The following TM9SF4 variants were observed in gnomAD, a reference collection of about 807,000 sequenced individuals.
TM9SF4 encodes the protein dinucleotide oxidase disulfide thiol exchanger 3 superfamily member 4.
Under a neutral mutation model 90.4 loss-of-function variants are expected in TM9SF4, and 26 were observed. The observed-to-expected ratio is 0.29, with a 90% CI of 0.21 to 0.40. The LOEUF (loss-of-function observed/expected upper bound fraction) is 0.40, where lower values mean the gene tolerates loss of function less well. Among genes scored for constraint, TM9SF4 ranks in the 10% least tolerant of loss-of-function variants. The pLI is 1.00. For synonymous variants in TM9SF4, 293 were observed against 315.4 expected, an observed-to-expected ratio of 0.93 and a Z score of 0.75; for missense variants, 549 against 834.8, an observed-to-expected ratio of 0.66 and a Z score of 4.22.
chr20:32,125,066 G>A (rs2046399572), intron 1 of TM9SF4, among the ~76,000 whole-genome samples: 1 of 152,060 alleles, frequency 6.6e-6, no homozygotes, highest in African/African-American at 2.4e-5. Flanking sequence ...GTTCATCAGG[G>A]CAGAGACCTC....
In TM9SF4 at chr20:32,161,343, C is replaced by T. The variant is rs764836180; in HGVS notation, c.1757C>T (p.Ala586Val). 2 of 1,613,902 alleles carry T rather than the reference C, an allele frequency of 1.2e-6. No individual in the cohort carries two copies. The highest frequency in any genetic ancestry group is 1.7e-6 in the Non-Finnish European group (2 of 1,179,936). The change falls in exon 17 of 18, where the codon GCC becomes GTC. Residue 586 changes from alanine to valine, a missense_variant. Physicochemically the swap from Ala to Val is moderately conservative, Grantham distance 64. Coordinates refer to ENST00000398022, the MANE Select transcript of TM9SF4 (RefSeq NM_014742.4). ...TCTGCATTCTACGTCCTGGTTTATGCCATCTTTTATTTCGTTAACAAGGTA... is the reference window on the plus strand; with the variant it reads ...TCTGCATTCTACGTCCTGGTTTATGTCATCTTTTATTTCGTTAACAAGGTA... ...GGSAFYVLVY[A>V]IFYFVNKLDI...
chr20:32,110,049 AT>A lies in TM9SF4; in HGVS notation c.15+298del. ...TTGGTCTCCGCCCACTGTGAGCCCC[AT>A]TTTCCATTTCTCACCTCCCTGTCCT... On this transcript the variant is annotated intron_variant, in intron 1 of 17. Transcript: ENST00000398022. 8 of 1,353,326 alleles carry A rather than the reference AT, an allele frequency of 5.9e-6. No individual in the cohort carries two copies. In the South Asian group the frequency reaches 9.7e-5, roughly 16 times the overall value. 83.8% of individuals were successfully genotyped at this position (1,353,326 alleles called of 1,614,324 possible).
chr20:32,121,076 T>C (rs889757759), intron 1 of TM9SF4, among the ~76,000 whole-genome samples: 2 of 152,190 alleles, frequency 1.3e-5, no homozygotes, highest in African/African-American at 2.4e-5. Flanking sequence ...AGGATAGTTG[T>C]CCGTAGTTTC....
At chr20:32,125,117 G>A (rs1333612160) in intron 1 of TM9SF4, among the ~76,000 whole-genome samples, 1 of 152,066 alleles carries the variant, frequency 6.6e-6, no homozygotes, top group Non-Finnish European at 1.5e-5. Context: ...TCACGGTGAC[G>A]GTTGCATAGC....
At chr20:32,163,442 C>G (rs1181402174) in intron 17 of TM9SF4, among the ~76,000 whole-genome samples, 2 of 151,076 alleles carry the variant, frequency 1.3e-5, no homozygotes, top group Admixed American at 1.3e-4. Context: ...TCTACTCTTT[C>G]CAGCTTTGCA....
intron 1 of TM9SF4, among the ~76,000 whole-genome samples, chr20:32,122,421 C>T (rs377699518): frequency 4.7e-5 from 7 of 149,728 alleles, no homozygotes; most frequent in African/African-American, 1.5e-4. Context: ...GGGGTGCTGC[C>T]GGGCGGAGAG....
chr20:32,159,349 G>C (rs2046979163), intron 15 of TM9SF4: 1 of 152,552 alleles, frequency 6.6e-6, no homozygotes, highest in African/African-American at 2.4e-5. Flanking sequence ...AAGTGTGGCT[G>C]ACCCAGCTCG....
intron 1 of TM9SF4, among the ~76,000 whole-genome samples, chr20:32,116,911 C>T (rs148169326): frequency 9.1e-6 from 1 of 109,368 alleles, no homozygotes; most frequent in Non-Finnish European, 1.7e-5. Context: ...GGAGCAGTTA[C>T]TGACATGGTC....
At chr20:32,154,450 G>C (rs1047461786) in intron 12 of TM9SF4, among the ~76,000 whole-genome samples, 1 of 151,028 alleles carries the variant, frequency 6.6e-6, no homozygotes, top group African/African-American at 2.4e-5. Context: ...GGTAGTTAAC[G>C]TGTTCTTTTT....
At chr20:32,137,236 A>G (rs2046607791) in intron 3 of TM9SF4, among the ~76,000 whole-genome samples, 1 of 151,864 alleles carries the variant, frequency 6.6e-6, no homozygotes, top group Non-Finnish European at 1.5e-5. Flanking sequence ...TTTCCTCACC[A>G]CACCATGCTA....
At chr20:32,150,365 C>T (rs2046823790) in intron 10 of TM9SF4, among the ~76,000 whole-genome samples, 1 of 152,352 alleles carries the variant, frequency 6.6e-6, no homozygotes, top group Middle Eastern at 3.4e-3. Flanking sequence ...GCTCTGTGGA[C>T]CGAAAGCTGC....
chr20:32,130,210 C>T (rs2046490386), intron 1 of TM9SF4, among the ~76,000 whole-genome samples: 12 of 152,216 alleles, frequency 7.9e-5, no homozygotes, highest in Admixed American at 7.9e-4. Context: ...TTCAAAGATT[C>T]TAGCATATTA....
chr20:32,162,060 C>T (rs1161768008), intron 17 of TM9SF4, among the ~76,000 whole-genome samples: 1 of 152,174 alleles, frequency 6.6e-6, no homozygotes, highest in Non-Finnish European at 1.5e-5. Context: ...GTCCCCACGA[C>T]AGTTTTACTA....
chr20:32,164,114 T>C (rs998733150), intron 17 of TM9SF4, among the ~76,000 whole-genome samples: 1 of 152,168 alleles, frequency 6.6e-6, no homozygotes, highest in African/African-American at 2.4e-5. Flanking sequence ...ATGTATAAAA[T>C]GAGGAACTTT....
chr20:32,118,419 A>G (rs1253838523), intron 1 of TM9SF4, among the ~76,000 whole-genome samples: 4 of 151,988 alleles, frequency 2.6e-5, no homozygotes, highest in Non-Finnish European at 5.9e-5. Context: ...ATAAATGAAT[A>G]TATGTCTTTA....
In TM9SF4 at chr20:32,162,125, C is replaced by T. The variant is rs148378352; in HGVS notation, c.1779+760C>T. ...GCCATTGAGAGGAATTTGGAGGAGC[C>T]CTGTTGGGCCCCTCACCTCCAAAAC... On this transcript the variant is annotated intron_variant, in intron 17 of 17. Coordinates refer to ENST00000398022, the MANE Select transcript of TM9SF4 (RefSeq NM_014742.4). Among the ~76,000 whole-genome samples, 290 of 152,210 alleles carry T rather than the reference C, an allele frequency of 1.9e-3. 3 individuals carry two copies. The highest frequency in any genetic ancestry group is 6.6e-3 in the African/African-American group (275 of 41,530).
chr20:32,163,268 A>AAATATATATATAT (rs1555886757), intron 17 of TM9SF4, among the ~76,000 whole-genome samples: 2 of 74,470 alleles, frequency 2.7e-5, no homozygotes, highest in African/African-American at 1.2e-4. Context: ...AAAAAAAAAA[A>AAATATATATATAT]ATATATATAT....
At chr20:32,148,299 C>CT (rs1160009701) in intron 9 of TM9SF4, among the ~76,000 whole-genome samples, 3 of 152,120 alleles carry the variant, frequency 2.0e-5, no homozygotes, top group African/African-American at 7.2e-5. Flanking sequence ...TTAGCACAGA[C>CT]TTTTTTTCTT....
At chr20:32,151,482 C>T (rs1212460578) in intron 12 of TM9SF4, among the ~76,000 whole-genome samples, 1 of 152,074 alleles carries the variant, frequency 6.6e-6, no homozygotes, top group East Asian at 1.9e-4. Context: ...CTCTTGGGTG[C>T]CCACACTCAG....
Sources: allele counts gnomAD v4.1 joint callset (sites outside exome capture counted in the v4.1 genomes callset), GRCh38; gene constraint gnomAD v4.1.1; transcripts MANE v1.5; gene names NCBI Gene and HGNC (gene_info 2026-07-23, HGNC 2026-07-21).